The following PDCD6IP variants were observed in gnomAD, a reference collection of about 807,000 sequenced individuals.
PDCD6IP encodes the protein programmed cell death 6 interacting protein.
In PDCD6IP, 43 loss-of-function variants were observed where a neutral mutation model predicts 103.7. The ratio of observed to expected loss-of-function variants is 0.41; its 90% CI spans 0.32 to 0.53. PDCD6IP has a LOEUF of 0.53. PDCD6IP is among the 20% of genes least tolerant of loss of function. PDCD6IP has a pLI of 0.16. For missense variants in PDCD6IP, 871 were observed against 1,036.7 expected (o/e 0.84, Z 2.20); for synonymous variants, 354 against 378.7 (o/e 0.93, Z 0.76).
intron 1 of PDCD6IP, among the ~76,000 whole-genome samples, chr3:33,811,797 A>C (rs1360976294): frequency 6.6e-6 from 1 of 152,214 alleles, no homozygotes; most frequent in Non-Finnish European, 1.5e-5. Context: ...ATTTTTAAGA[A>C]ATATTTTGGT....
In PDCD6IP at chr3:33,852,398, C is replaced by T. The variant is rs555319738; in HGVS notation, c.1642-90C>T. On this transcript the variant is annotated intron_variant, in intron 12 of 17. Coordinates refer to ENST00000307296, the MANE Select transcript of PDCD6IP (RefSeq NM_013374.6). ...CTGAGAAATCATCTCTCTCTCAGCC[C>T]GAATGAACCTTTATATATTATTTCC... The T allele has an allele frequency of 1.1e-4, 157 of 1,436,300 alleles. No individual in the cohort carries two copies. In the African/African-American group the frequency reaches 1.6e-3, roughly 14 times the overall value. 89.0% of individuals were successfully genotyped at this position (1,436,300 alleles called of 1,614,324 possible). A position where few individuals can be genotyped will look rare whatever the true frequency, so the allele number is the denominator to read the frequency against.
At chr3:33,819,327 T>C (rs1696934527) in intron 3 of PDCD6IP, among the ~76,000 whole-genome samples, 1 of 152,202 alleles carries the variant, frequency 6.6e-6, no homozygotes, top group East Asian at 1.9e-4. Flanking sequence ...TTTATGGATG[T>C]ACTGTCTTTG....
intron 6 of PDCD6IP, chr3:33,827,182 C>G (rs1438078170): frequency 5.1e-6 from 5 of 981,174 alleles, no homozygotes; most frequent in African/African-American, 1.8e-5. Flanking sequence ...ATTGTAAAGA[C>G]TATTCAGTGA....
intron 4 of PDCD6IP, 129 bp from the exon 5 acceptor site, chr3:33,825,058 T>G: frequency 2.6e-6 from 2 of 775,090 alleles, no homozygotes; most frequent in Non-Finnish European, 4.2e-6. Flanking sequence ...TAGATTGGTT[T>G]TGCATAATAT....
intron 13 of PDCD6IP, 110 bp from the exon 14 acceptor site, chr3:33,853,769 A>T: frequency 2.1e-6 from 2 of 950,704 alleles, no homozygotes; most frequent in Non-Finnish European, 1.4e-6. Flanking sequence ...AATTTTGCAT[A>T]TGTATTTAAT....
chr3:33,858,893 A>G (rs1402713560), intron 15 of PDCD6IP, among the ~76,000 whole-genome samples: 1 of 152,178 alleles, frequency 6.6e-6, no homozygotes, highest in African/African-American at 2.4e-5. Flanking sequence ...ATATGCAAAC[A>G]TGCTTTTGAT....
chr3:33,853,069 G>A (rs1697755375), intron 13 of PDCD6IP, among the ~76,000 whole-genome samples: 1 of 151,884 alleles, frequency 6.6e-6, no homozygotes, highest in African/African-American at 2.4e-5. Flanking sequence ...GACTATAGGC[G>A]CCCGCCACCA....
In PDCD6IP at chr3:33,845,570, G is replaced by C; in HGVS notation, c.1623G>C (p.Lys541Asn). 1 of 1,610,652 alleles carries C rather than the reference G, an allele frequency of 6.2e-7. No homozygotes were observed. The highest frequency in any genetic ancestry group is 1.1e-5 in the South Asian group (1 of 90,548). Residue 541 changes from lysine to asparagine, a missense_variant, in exon 12 of 18, where the codon AAG (lysine) becomes AAC (asparagine). Lys to Asn is a moderately conservative substitution (Grantham distance 94). Transcript: ENST00000307296. ...CCATCCCTTCTGCTAATCCAGCAAA[G>C]ACCATGCAGGGCAGTGAGGTAAGAA... ...NAAIPSANPA[K>N]TMQGSEVVNV...
At position 33,869,351 on chromosome 3, in the gene PDCD6IP, C is replaced by A. The variant is rs1479914780; in HGVS notation, c.*2826C>A. The A allele has an allele frequency of 2.0e-5, 3 of 152,064 alleles. No individual in the cohort carries two copies. The highest frequency in any genetic ancestry group is 7.3e-5 in the African/African-American group (3 of 41,372). The allele number at this position is 152,064 out of a possible 1,614,324, so 9.4% of individuals were successfully genotyped here. ...AGACGTTTGCAATTATTAGTTGATTCACAGTACAGAACAAGGTATAAAGGA... is the reference window on the plus strand; with the variant it reads ...AGACGTTTGCAATTATTAGTTGATTAACAGTACAGAACAAGGTATAAAGGA... On this transcript the variant is annotated 3_prime_UTR_variant, in exon 18 of 18. Transcript: ENST00000307296.
intron 4 of PDCD6IP, 109 bp downstream of exon 4, chr3:33,822,191 A>T (rs3762817): frequency 0.29 from 322,747 of 1,118,282 alleles, 47,426 homozygotes; most frequent in Admixed American, 0.45. Flanking sequence ...GATGTTTTCT[A>T]AAACGAATGC....
chr3:33,833,375 TG>T (rs1697281799), intron 7 of PDCD6IP, among the ~76,000 whole-genome samples: 1 of 152,108 alleles, frequency 6.6e-6, no homozygotes, highest in Non-Finnish European at 1.5e-5. Context: ...ATCTTTAATT[TG>T]TAACAGCCTC....
chr3:33,851,198 A>G (rs1243319587), intron 12 of PDCD6IP, among the ~76,000 whole-genome samples: 1 of 152,008 alleles, frequency 6.6e-6, no homozygotes. Flanking sequence ...AGTGAGAAAG[A>G]CAGGGGTGGA....
intron 3 of PDCD6IP, among the ~76,000 whole-genome samples, chr3:33,821,077 G>GCTCA (rs1696980510): frequency 6.6e-6 from 1 of 152,082 alleles, no homozygotes; most frequent in Non-Finnish European, 1.5e-5. Flanking sequence ...CATGATCATA[G>GCTCA]CTCACTGCAG....
At chr3:33,821,454 G>A (rs1451718211) in intron 3 of PDCD6IP, among the ~76,000 whole-genome samples, 1 of 148,212 alleles carries the variant, frequency 6.7e-6, no homozygotes, top group Non-Finnish European at 1.5e-5. Context: ...TCAGAGTTGG[G>A]TTTTAGCCCA....
intron 12 of PDCD6IP, among the ~76,000 whole-genome samples, chr3:33,846,074 T>G (rs894955822): frequency 1.3e-5 from 2 of 152,106 alleles, no homozygotes; most frequent in Admixed American, 6.6e-5. Context: ...AAGAGAAAAT[T>G]GAATAGTAGG....
intron 12 of PDCD6IP, among the ~76,000 whole-genome samples, chr3:33,846,253 A>T (rs1488138345): frequency 1.3e-5 from 2 of 152,218 alleles, no homozygotes; most frequent in African/African-American, 4.8e-5. Context: ...GAAAAAAGTG[A>T]ATTTCCTGGG....
chr3:33,833,764 T>G (rs1231130347), intron 7 of PDCD6IP, among the ~76,000 whole-genome samples: 1 of 152,216 alleles, frequency 6.6e-6, no homozygotes, highest in East Asian at 1.9e-4. Context: ...AGTTTTTTCC[T>G]TATGGTTTTT....
chr3:33,828,424 T>G (rs1447523361), intron 6 of PDCD6IP: 1 of 152,706 alleles, frequency 6.5e-6, no homozygotes, highest in Non-Finnish European at 1.5e-5. Context: ...TATATGTGAG[T>G]AATGATGGTT....
At position 33,866,606 on chromosome 3, in the gene PDCD6IP, C is replaced by A; in HGVS notation, c.*81C>A. On this transcript the variant is annotated 3_prime_UTR_variant, in exon 18 of 18. Coordinates refer to ENST00000307296, the MANE Select transcript of PDCD6IP (RefSeq NM_013374.6). ...TGCAATAAGTGTACTAAACTCTACGCTCTGGTTAATGTAATGTACTCTCCT... is the reference window on the plus strand; with the variant it reads ...TGCAATAAGTGTACTAAACTCTACGATCTGGTTAATGTAATGTACTCTCCT... The A allele has an allele frequency of 8.5e-7, 1 of 1,182,048 alleles. No individual in the cohort carries two copies. Among genetic ancestry groups the A allele is most frequent in the Non-Finnish European group, 1.2e-6 (1 of 840,768 alleles). 73.2% of individuals were successfully genotyped at this position (1,182,048 alleles called of 1,614,324 possible).
Sources: gnomAD v4.1 joint callset for allele counts (sites outside exome capture counted in the v4.1 genomes callset) on GRCh38, gnomAD v4.1.1 for gene constraint, MANE v1.5 for transcripts, NCBI Gene and HGNC (gene_info 2026-07-23, HGNC 2026-07-21) for gene names.